The following CD38 variants were observed in gnomAD, a reference collection of about 807,000 sequenced individuals.
The protein encoded by CD38 is CD38 molecule.
In CD38, 31 loss-of-function variants were observed where a neutral mutation model predicts 36.3. The observed-to-expected ratio is 0.85, with a 90% CI of 0.64 to 1.15. The LOEUF is 1.15. Ranked by LOEUF, CD38 falls within the 50% of genes most tolerant of loss-of-function variation. The pLI, the probability that CD38 is intolerant of heterozygous loss-of-function variation, is 0.00. For synonymous variants in CD38, 131 were observed against 135.2 expected (o/e 0.97, Z 0.22); for missense variants, 380 against 371.9 (o/e 1.02, Z -0.18).
chr4:15,795,601 C>G (rs183963046), intron 1 of CD38, among the ~76,000 whole-genome samples: 29 of 151,782 alleles, frequency 1.9e-4, no homozygotes, highest in Non-Finnish European at 3.1e-4. Flanking sequence ...GAGAAACCCA[C>G]GATTTAAAAA....
intron 1 of CD38, among the ~76,000 whole-genome samples, chr4:15,782,956 T>C (rs1722730448): frequency 6.6e-6 from 1 of 152,152 alleles, no homozygotes; most frequent in African/African-American, 2.4e-5. Context: ...GCAAGTTTTT[T>C]AGTGTGGGTA....
intron 6 of CD38, 22 bp downstream of exon 6, chr4:15,840,140 C>T: frequency 6.6e-7 from 1 of 1,505,924 alleles, no homozygotes; most frequent in Non-Finnish European, 9.2e-7. Context: ...TACTTTGTAC[C>T]CAAGTGTTAT....
At chr4:15,801,526 T>G (rs1723222556) in intron 1 of CD38, among the ~76,000 whole-genome samples, 2 of 151,954 alleles carry the variant, frequency 1.3e-5, no homozygotes, top group Admixed American at 1.3e-4. Flanking sequence ...CTGATGAACA[T>G]AAATGGAAAG....
In CD38 at chr4:15,822,532, T is replaced by C. The variant is rs543511315; in HGVS notation, c.364-2349T>C. ...AATCAATGTGCAAAAATCACAAGCA[T>C]TCCTGTACACCAACAACACGCAAGC... On this transcript the variant is annotated intron_variant, in intron 2 of 7. Coordinates refer to ENST00000226279, the MANE Select transcript of CD38 (RefSeq NM_001775.4). Among the ~76,000 whole-genome samples, 346 of 152,216 alleles carry C rather than the reference T, an allele frequency of 2.3e-3. 3 individuals are homozygous for C. Among genetic ancestry groups the C allele is most frequent in the African/African-American group, 7.9e-3 (330 of 41,532 alleles).
chr4:15,817,488 C>A (rs962402131), intron 2 of CD38, among the ~76,000 whole-genome samples: 4 of 152,182 alleles, frequency 2.6e-5, no homozygotes, highest in African/African-American at 9.7e-5. Context: ...AAATAATAAC[C>A]CAGGCTGACA....
At chr4:15,798,621 T>C (rs1335333904) in intron 1 of CD38, among the ~76,000 whole-genome samples, 1 of 152,160 alleles carries the variant, frequency 6.6e-6, no homozygotes, top group East Asian at 1.9e-4. Context: ...TTCTGGAGAG[T>C]ACGGAACCAA....
intron 1 of CD38, among the ~76,000 whole-genome samples, chr4:15,802,109 A>G (rs1723237570): frequency 6.6e-6 from 1 of 152,196 alleles, no homozygotes; most frequent in Admixed American, 6.5e-5. Flanking sequence ...TGTGAGATAC[A>G]AAATCAACAT....
chr4:15,794,038 A>G (rs1298075278), intron 1 of CD38, among the ~76,000 whole-genome samples: 1 of 152,250 alleles, frequency 6.6e-6, no homozygotes. Context: ...GGCCAGCCAC[A>G]GTCTGAAAAT....
intron 1 of CD38, among the ~76,000 whole-genome samples, chr4:15,780,517 CTCACA>C (rs1722667642): frequency 8.8e-6 from 1 of 113,126 alleles, no homozygotes; most frequent in Non-Finnish European, 1.8e-5. Context: ...TATTCTCTCT[CTCACA>C]CACACACACA....
chr4:15,818,176 G>A (rs1044250812), intron 2 of CD38, among the ~76,000 whole-genome samples: 6 of 151,310 alleles, frequency 4.0e-5, no homozygotes, highest in South Asian at 2.1e-4. Flanking sequence ...GGGGAGGGGC[G>A]TCCGCCATTA....
intron 1 of CD38, among the ~76,000 whole-genome samples, chr4:15,787,949 A>T (rs1263105029): frequency 6.6e-6 from 1 of 152,220 alleles, no homozygotes; most frequent in African/African-American, 2.4e-5. Context: ...AAACAAGCTT[A>T]TTTAGACAAA....
Position 15,778,879 on chromosome 4 carries a change from C to G in CD38, c.233+232C>G, listed in dbSNP as rs1337803594. Reference sequence around the variant, plus strand: ...GCGGGAGGCGGGGGGGGGCGCTGCTCGGTGGCTCTGCTGCGTAGCCGGTGA... The same window carrying G: ...GCGGGAGGCGGGGGGGGGCGCTGCTGGGTGGCTCTGCTGCGTAGCCGGTGA... On this transcript the variant is annotated intron_variant, in intron 1 of 7. Transcript: ENST00000226279. The surrounding 1 kb of genome is among the most constrained non-coding windows in gnomAD (Gnocchi z 4.9). 6.6e-6 allele frequency among the ~76,000 whole-genome samples: 1 copy of G among 151,952 alleles called. No homozygotes were observed. The highest frequency in any genetic ancestry group is 2.1e-4 in the South Asian group (1 of 4,824).
At chr4:15,833,163 T>A (rs72616185) in intron 3 of CD38, among the ~76,000 whole-genome samples, 8,915 of 152,130 alleles carry the variant, frequency 0.059, 361 homozygotes, top group East Asian at 0.18. Flanking sequence ...AGAAATGCTA[T>A]CCAAGAGCCA....
intron 7 of CD38, among the ~76,000 whole-genome samples, chr4:15,844,729 T>G (rs1724251328): frequency 1.1e-3 from 2 of 1,796 alleles, no homozygotes; most frequent in Non-Finnish European, 1.6e-3. Context: ...ATAAAGGGGA[T>G]ATCACCACCG....
chr4:15,820,149 G>T (rs1723700757), intron 2 of CD38, among the ~76,000 whole-genome samples: 1 of 152,296 alleles, frequency 6.6e-6, no homozygotes, highest in South Asian at 2.1e-4. Context: ...AATGCTAAGG[G>T]AATTCGTCAC....
chr4:15,825,098 G>A, intron 3 of CD38, 82 bp downstream of exon 3: 7 of 1,435,748 alleles, frequency 4.9e-6, no homozygotes, highest in Non-Finnish European at 6.6e-6. Context: ...TGAATGATTA[G>A]TGTGGAGGAC....
At chr4:15,813,717 T>C (rs571486054) in intron 1 of CD38, among the ~76,000 whole-genome samples, 1 of 152,336 alleles carries the variant, frequency 6.6e-6, no homozygotes, top group South Asian at 2.1e-4. Context: ...TCTGTTCCTG[T>C]GTTTTTTAGC....
chr4:15,820,742 A>G (rs1723714597), intron 2 of CD38, among the ~76,000 whole-genome samples: 1 of 152,194 alleles, frequency 6.6e-6, no homozygotes, highest in African/African-American at 2.4e-5. Context: ...TAATAGTGGG[A>G]GAATTTAACA....
intron 2 of CD38, 57 bp downstream of exon 2, chr4:15,816,697 TTCATA>T: frequency 6.4e-7 from 1 of 1,568,732 alleles, no homozygotes; most frequent in Non-Finnish European, 8.8e-7. Context: ...ATGGTAACAA[TTCATA>T]GGTCCAAATT....
Sources: allele counts gnomAD v4.1 joint callset (sites outside exome capture counted in the v4.1 genomes callset), GRCh38; gene constraint gnomAD v4.1.1; non-coding constraint Gnocchi (gnomAD v3.1); transcripts MANE v1.5; gene names NCBI Gene and HGNC (gene_info 2026-07-23, HGNC 2026-07-21).